Variants in HDLBP observed in about 807,000 individuals in gnomAD.
HDLBP encodes vigilin.
Under a neutral mutation model 137.3 loss-of-function variants are expected in HDLBP, and 30 were observed. That is an observed-to-expected ratio of 0.22 (90% confidence interval 0.16 to 0.30). The LOEUF is 0.30. Ranked by LOEUF, HDLBP falls within the 10% of genes least tolerant of loss-of-function variation. The probability of loss-of-function intolerance (pLI) is 1.00; values close to 1 mark genes in which losing one functional copy is unlikely to be tolerated. For synonymous variants in HDLBP, 606 were observed against 596.0 expected, an observed-to-expected ratio of 1.02 and a Z score of -0.24; for missense variants, 1,119 against 1,667.3, an observed-to-expected ratio of 0.67 and a Z score of 5.73.
At chr2:241,242,972 G>A (rs1411377208) in intron 16 of HDLBP, among the ~76,000 whole-genome samples, 3 of 152,120 alleles carry the variant, frequency 2.0e-5, no homozygotes, top group Admixed American at 6.5e-5. Flanking sequence ...AGGTGGGAGC[G>A]TGGTAATTTC....
intron 10 of HDLBP, 154 bp downstream of exon 10, chr2:241,253,239 C>T: frequency 1.4e-6 from 1 of 700,194 alleles, no homozygotes; most frequent in Non-Finnish European, 2.6e-6. Context: ...CTTCGACCAG[C>T]TTCTGGTTGT....
chr2:241,309,355 G>A (rs554143599), intron 1 of HDLBP, among the ~76,000 whole-genome samples: 4 of 152,250 alleles, frequency 2.6e-5, no homozygotes, highest in East Asian at 3.9e-4. Flanking sequence ...AGCACGAGCC[G>A]TTGTCAGATC....
chr2:241,310,261 CTT>C (rs1408139929), intron 1 of HDLBP, among the ~76,000 whole-genome samples: 1 of 152,152 alleles, frequency 6.6e-6, no homozygotes, highest in Non-Finnish European at 1.5e-5. Flanking sequence ...GGAAGACAAA[CTT>C]GAGAATAACT....
chr2:241,234,008 C>T, intron 23 of HDLBP, 45 bp from the exon 24 acceptor site: 1 of 1,607,348 alleles, frequency 6.2e-7, no homozygotes. Flanking sequence ...TGAGCTGATC[C>T]ACCCTGTGAC....
At chr2:241,274,372 A>G (rs755814860) in intron 1 of HDLBP, among the ~76,000 whole-genome samples, 4 of 152,252 alleles carry the variant, frequency 2.6e-5, no homozygotes, top group Non-Finnish European at 5.9e-5. Context: ...GGAACTGGGC[A>G]GGTGGGCCTC....
intron 16 of HDLBP, 27 bp downstream of exon 16, chr2:241,246,725 T>G (rs1237046420): frequency 1.9e-6 from 3 of 1,606,176 alleles, no homozygotes; most frequent in Non-Finnish European, 2.6e-6. Context: ...TACTGGAGGA[T>G]CTCCATTAGA....
At chr2:241,234,454 A>G (rs2070160818) in intron 23 of HDLBP, among the ~76,000 whole-genome samples, 1 of 152,224 alleles carries the variant, frequency 6.6e-6, no homozygotes, top group South Asian at 2.1e-4. Context: ...GCAGGGGTAC[A>G]CTGACACCAT....
rs1274348484 is a variant in HDLBP at position 241,272,424 on chromosome 2, G to A, written c.-102-3883C>T. On this transcript the variant is annotated intron_variant, in intron 1 of 27. Transcript: ENST00000310931. This position sits in a 1 kb window ranked among gnomAD's most constrained non-coding sequence, Gnocchi z 5.6. ...ACGGCACCAGGGGTGCCCCACCGAA[G>A]CCCCGGGAGGAGGCGGGGGAGCCCA... The A allele has an allele frequency of 4.1e-6, 4 of 984,486 alleles. No individual in the cohort carries two copies. The Admixed American group carries it at 2.5e-4, about 61-fold the overall frequency. 61.0% of individuals were successfully genotyped at this position (984,486 alleles called of 1,614,324 possible).
chr2:241,302,304 A>G lies in HDLBP; in HGVS notation c.-103+13266T>C, dbSNP rs561323880. Among the ~76,000 whole-genome samples the G allele has an allele frequency of 3.9e-5, 6 of 152,164 alleles. No homozygotes were observed. The South Asian group carries it at 8.3e-4, about 21-fold the overall frequency. Reference sequence around the variant, plus strand: ...TTAGGTGGTTCACACCTGTAATCCCAGCACTTTGCACTTTGGGAGGCTGAA... The same window carrying G: ...TTAGGTGGTTCACACCTGTAATCCCGGCACTTTGCACTTTGGGAGGCTGAA... On this transcript the variant is annotated intron_variant, in intron 1 of 27. Coordinates refer to ENST00000310931, the MANE Select transcript of HDLBP (RefSeq NM_005336.6).
intron 1 of HDLBP, among the ~76,000 whole-genome samples, chr2:241,280,453 A>G (rs1448116458): frequency 6.6e-6 from 1 of 152,222 alleles, no homozygotes; most frequent in African/African-American, 2.4e-5. Context: ...GGTTTCCTGT[A>G]AATTTGCCTT....
At chr2:241,231,129 A>T in intron 24 of HDLBP, 185 bp from the exon 25 acceptor site, 1 of 576,024 alleles carries the variant, frequency 1.7e-6, no homozygotes, top group Non-Finnish European at 3.1e-6. Context: ...TCACGCCTGT[A>T]ATCCCAGCAC....
In HDLBP at chr2:241,230,435, G is replaced by GT. The variant is rs1258211143; in HGVS notation, c.3475-167dup. Reference sequence around the variant, plus strand: ...GCCTCATCACCACACCAAGTTAGGTGTATCTCAGGAGCACCTTGTTCCCAG... The same window carrying GT: ...GCCTCATCACCACACCAAGTTAGGTGTTATCTCAGGAGCACCTTGTTCCCAG... On this transcript the variant is annotated intron_variant, in intron 25 of 27. Transcript: ENST00000310931. This position sits in a 1 kb window ranked among gnomAD's most constrained non-coding sequence, Gnocchi z 5.0. 1.5e-4 allele frequency among the ~76,000 whole-genome samples: 23 copies of GT among 152,374 alleles called. No homozygotes were observed. Among genetic ancestry groups the GT allele is most frequent in the Non-Finnish European group, 2.8e-4 (19 of 68,036 alleles).
chr2:241,250,032 C>T, intron 11 of HDLBP, 52 bp from the exon 12 acceptor site: 1 of 1,542,170 alleles, frequency 6.5e-7, no homozygotes, highest in Non-Finnish European at 8.8e-7. Context: ...CAACATTCTG[C>T]CAATGACATA....
chr2:241,273,922 G>A (rs1220035202), intron 1 of HDLBP, among the ~76,000 whole-genome samples: 3 of 151,866 alleles, frequency 2.0e-5, no homozygotes, highest in East Asian at 1.9e-4. Context: ...GCCTACTATA[G>A]TTCAGTCTAA....
intron 16 of HDLBP, chr2:241,242,880 G>A (rs1015570697): frequency 2.5e-5 from 15 of 590,648 alleles, no homozygotes; most frequent in Non-Finnish European, 2.4e-5. Flanking sequence ...GGGAGAGTGG[G>A]GTGCGCCCAG....
intron 1 of HDLBP, chr2:241,302,622 T>A (rs1240993944): frequency 6.6e-6 from 1 of 152,240 alleles, no homozygotes; most frequent in Non-Finnish European, 1.5e-5. Context: ...TACTGTTGCT[T>A]TCTCTTTGCC....
chr2:241,303,890 C>A (rs2075475591), intron 1 of HDLBP, among the ~76,000 whole-genome samples: 1 of 152,148 alleles, frequency 6.6e-6, no homozygotes, highest in African/African-American at 2.4e-5. Flanking sequence ...CTCACTGCAG[C>A]CTCGACCTCC....
At position 241,272,275 on chromosome 2, in the gene HDLBP, GC is replaced by G; in HGVS notation, c.-102-3735del. On this transcript the variant is annotated intron_variant, in intron 1 of 27. Transcript: ENST00000310931. This position sits in a 1 kb window ranked among gnomAD's most constrained non-coding sequence, Gnocchi z 5.6. ...CCACCTGGGGGGAAGGACCCCGCTG[GC>G]CTCCCAGGGACCCCCACCCTGGCCG... 1.3e-5 allele frequency: 13 copies of G among 976,176 alleles called. No homozygotes were observed. The highest frequency in any genetic ancestry group is 1.6e-5 in the Non-Finnish European group (13 of 821,860). 60.5% of individuals were successfully genotyped at this position (976,176 alleles called of 1,614,324 possible).
intron 2 of HDLBP, chr2:241,267,621 G>T: frequency 6.5e-7 from 1 of 1,535,678 alleles, no homozygotes; most frequent in Non-Finnish European, 8.7e-7. Context: ...GCTACAAAAA[G>T]CCAGCGGTCT....
Sources: allele counts gnomAD v4.1 joint callset (sites outside exome capture counted in the v4.1 genomes callset), GRCh38; gene constraint gnomAD v4.1.1; non-coding constraint Gnocchi (gnomAD v3.1); transcripts MANE v1.5; gene names NCBI Gene and HGNC (gene_info 2026-07-23, HGNC 2026-07-21).